ADAMTS17: variants seen among roughly 807,000 people sequenced by gnomAD.
The protein encoded by ADAMTS17 is ADAM metallopeptidase with thrombospondin type 1 motif 17.
Under a neutral mutation model 141.5 loss-of-function variants are expected in ADAMTS17, and 113 were observed. That is an observed-to-expected ratio of 0.80 (90% CI 0.69 to 0.93). The LOEUF (loss-of-function observed/expected upper bound fraction) is 0.93. Ranked by LOEUF, ADAMTS17 falls within the 40% of genes least tolerant of loss-of-function variation. ADAMTS17 has a pLI of 0.00. For missense variants in ADAMTS17, 1,659 were observed against 1,517.9 expected (o/e 1.09, Z -1.54); for synonymous variants, 768 against 630.6 (o/e 1.22, Z -3.27).
chr15:100,091,361 T>C (rs1476240547), intron 15 of ADAMTS17, among the ~76,000 whole-genome samples: 1 of 152,162 alleles, frequency 6.6e-6, no homozygotes, highest in East Asian at 1.9e-4. Context: ...TTTGGAGTGA[T>C]TTCCCATTCC....
chr15:100,341,715 G>A (rs1176056790), intron 1 of ADAMTS17, 106 bp downstream of exon 1: 5 of 1,392,612 alleles, frequency 3.6e-6, no homozygotes, highest in Non-Finnish European at 4.7e-6. Flanking sequence ...CTCGGGCGCC[G>A]TCAGCGGTCC....
rs1206546385 is a variant in ADAMTS17, at chr15:99,976,250, G to A, written c.2950-28C>T. On this transcript the variant is annotated intron_variant, in intron 20 of 21. Coordinates refer to ENST00000268070, the MANE Select transcript of ADAMTS17 (RefSeq NM_139057.4). ...GCAGAGACAGGACAGCCTGAGTGGG[G>A]CTGACATGAGGTCAAGGGACTGGGA... The A allele has an allele frequency of 1.4e-5, 21 of 1,539,078 alleles. No homozygotes were observed. The South Asian group carries it at 2.3e-4, about 17-fold the overall frequency.
chr15:100,083,524 T>G (rs542003739), intron 15 of ADAMTS17, among the ~76,000 whole-genome samples: 1 of 152,128 alleles, frequency 6.6e-6, no homozygotes, highest in Non-Finnish European at 1.5e-5. Flanking sequence ...CAACCACATG[T>G]TCAATCATCC....
intron 14 of ADAMTS17, among the ~76,000 whole-genome samples, chr15:100,104,978 A>G (rs950898757): frequency 1.3e-5 from 2 of 152,240 alleles, no homozygotes; most frequent in Non-Finnish European, 2.9e-5. Flanking sequence ...GAGTTTTGTG[A>G]GCATCGATTT....
At chr15:100,121,903 T>C (rs767482987) in intron 12 of ADAMTS17, among the ~76,000 whole-genome samples, 1 of 152,160 alleles carries the variant, frequency 6.6e-6, no homozygotes, top group East Asian at 1.9e-4. Context: ...ATTCCTATCC[T>C]GGTTGGAGAT....
At chr15:100,176,860 T>C (rs528256384) in intron 8 of ADAMTS17, among the ~76,000 whole-genome samples, 1 of 152,248 alleles carries the variant, frequency 6.6e-6, no homozygotes, top group African/African-American at 2.4e-5. Context: ...AATGGAACCA[T>C]GCATTATGTA....
intron 14 of ADAMTS17, among the ~76,000 whole-genome samples, chr15:100,098,033 C>T (rs1434343206): frequency 3.9e-5 from 6 of 152,200 alleles, no homozygotes; most frequent in African/African-American, 9.6e-5. Context: ...AAGGGCAGAG[C>T]TTGAATAAAA....
chr15:100,087,154 G>C (rs879762020), intron 15 of ADAMTS17, among the ~76,000 whole-genome samples: 20 of 152,096 alleles, frequency 1.3e-4, no homozygotes, highest in Non-Finnish European at 2.1e-4. Flanking sequence ...AATGATAAAG[G>C]GGATATCACC....
intron 10 of ADAMTS17, among the ~76,000 whole-genome samples, chr15:100,134,216 T>C (rs1055476578): frequency 2.6e-5 from 4 of 152,094 alleles, no homozygotes; most frequent in African/African-American, 9.7e-5. Flanking sequence ...TCTCAGAGGG[T>C]CCTGGGGGGG....
intron 7 of ADAMTS17, among the ~76,000 whole-genome samples, chr15:100,223,618 C>A (rs143848094): frequency 6.6e-6 from 1 of 151,606 alleles, no homozygotes; most frequent in Non-Finnish European, 1.5e-5. Context: ...CACATATGTG[C>A]GTGTATTAGG....
intron 20 of ADAMTS17, among the ~76,000 whole-genome samples, chr15:99,991,560 T>C (rs1596171658): frequency 6.6e-6 from 1 of 152,226 alleles, no homozygotes; most frequent in Non-Finnish European, 1.5e-5. Flanking sequence ...GGAATGCTTT[T>C]ACACTGTTCA....
At chr15:100,193,123 T>C (rs1160297411) in intron 8 of ADAMTS17, among the ~76,000 whole-genome samples, 1 of 152,270 alleles carries the variant, frequency 6.6e-6, no homozygotes, top group African/African-American at 2.4e-5. Flanking sequence ...ACCTGCCCTC[T>C]GGCCTTGCAG....
At position 100,302,693 on chromosome 15, in the gene ADAMTS17, T is replaced by C. The variant is rs368589665; in HGVS notation, c.617-21292A>G. The stretch of plus-strand genomic sequence containing the variant: ...CTTATTGTCTATTTGTATACCTTCT[T>C]TAGAGAACTATCTGCGATGGTTAAT... On this transcript the variant is annotated intron_variant, in intron 3 of 21. Transcript: ENST00000268070. Among the ~76,000 whole-genome samples the C allele has an allele frequency of 2.8e-4, 43 of 152,348 alleles. No homozygotes were observed. In the East Asian group the frequency reaches 3.3e-3, roughly 12 times the overall value.
intron 12 of ADAMTS17, among the ~76,000 whole-genome samples, chr15:100,119,943 C>A (rs1002449904): frequency 6.6e-6 from 1 of 152,210 alleles, no homozygotes; most frequent in Non-Finnish European, 1.5e-5. Context: ...TTACCACTAA[C>A]CTTATGAAAT....
At chr15:100,239,966 C>T (rs1259626609) in intron 7 of ADAMTS17, among the ~76,000 whole-genome samples, 1 of 152,166 alleles carries the variant, frequency 6.6e-6, no homozygotes, top group Non-Finnish European at 1.5e-5. Flanking sequence ...TGATGTCCTG[C>T]TACCAGATGT....
At chr15:100,199,447 T>C (rs769507694) in intron 7 of ADAMTS17, 24 bp from the exon 8 acceptor site, 2 of 1,602,510 alleles carry the variant, frequency 1.2e-6, no homozygotes, top group Non-Finnish European at 1.7e-6. Flanking sequence ...ACAAAACACA[T>C]CCTCTTCAGA....
At chr15:100,333,713 C>T (rs146217672) in intron 2 of ADAMTS17, among the ~76,000 whole-genome samples, 215 of 152,314 alleles carry the variant, frequency 1.4e-3, no homozygotes, top group African/African-American at 4.7e-3. Context: ...GTGTGACTCC[C>T]GTGTCACCAT....
intron 12 of ADAMTS17, among the ~76,000 whole-genome samples, chr15:100,120,792 T>A (rs2037413739): frequency 6.6e-6 from 1 of 152,240 alleles, no homozygotes; most frequent in Admixed American, 6.5e-5. Flanking sequence ...GATTTGAATG[T>A]CTAGTTTTTA....
intron 8 of ADAMTS17, among the ~76,000 whole-genome samples, chr15:100,186,113 A>G (rs1172363348): frequency 6.6e-6 from 1 of 152,162 alleles, no homozygotes; most frequent in East Asian, 1.9e-4. Context: ...AGGTCCTGGG[A>G]TCAATGAGTA....
Sources: allele counts gnomAD v4.1 joint callset (sites outside exome capture counted in the v4.1 genomes callset), GRCh38; gene constraint gnomAD v4.1.1; transcripts MANE v1.5; gene names NCBI Gene and HGNC (gene_info 2026-07-23, HGNC 2026-07-21).